The following PEAK1 variants were observed in gnomAD, a reference collection of about 807,000 sequenced individuals.
PEAK1 encodes the protein pseudopodium enriched atypical kinase 1.
PEAK1 carries 54 observed loss-of-function variants against 124.7 expected under a neutral mutation model. That is an observed-to-expected ratio of 0.43 (90% CI 0.35 to 0.54). The LOEUF (loss-of-function observed/expected upper bound fraction) is 0.54, where lower values mean the gene tolerates loss of function less well. Ranked by LOEUF, PEAK1 falls within the 20% of genes least tolerant of loss-of-function variation. The probability of loss-of-function intolerance (pLI) is 0.01; values close to 1 mark genes in which losing one functional copy is unlikely to be tolerated. For missense variants in PEAK1, 2,046 were observed against 2,134.5 expected (o/e 0.96, Z 0.82); for synonymous variants, 719 against 760.0 (o/e 0.95, Z 0.89).
chr15:77,353,094 C>T (rs2067301979), intron 2 of PEAK1: 1 of 556,028 alleles, frequency 1.8e-6, no homozygotes, highest in Middle Eastern at 9.3e-4. Context: ...GCAGCAAACA[C>T]ATGCACTGCT....
chr15:77,160,469 A>T (rs1249696210), intron 7 of PEAK1, among the ~76,000 whole-genome samples: 1 of 152,090 alleles, frequency 6.6e-6, no homozygotes, highest in African/African-American at 2.4e-5. Context: ...CGAGGTCAAG[A>T]GATGGAGACC....
chr15:77,334,810 C>G (rs2066096671), intron 2 of PEAK1: 1 of 985,232 alleles, frequency 1.0e-6, no homozygotes, highest in African/African-American at 1.7e-5. Context: ...TTTGTAGTGT[C>G]TAATTTGCTA....
At chr15:77,159,627 G>C (rs1037686112) in intron 7 of PEAK1, among the ~76,000 whole-genome samples, 2 of 151,966 alleles carry the variant, frequency 1.3e-5, no homozygotes. Context: ...TATTTTTCCT[G>C]GTTTCTTTAT....
At chr15:77,140,549 C>A (rs1216074268) in intron 8 of PEAK1, among the ~76,000 whole-genome samples, 1 of 152,048 alleles carries the variant, frequency 6.6e-6, no homozygotes, top group Admixed American at 6.6e-5. Flanking sequence ...AAACACCTTT[C>A]CATAATAATA....
chr15:77,260,028 C>T (rs1237370173), intron 5 of PEAK1, among the ~76,000 whole-genome samples: 1 of 152,038 alleles, frequency 6.6e-6, no homozygotes, highest in Non-Finnish European at 1.5e-5. Flanking sequence ...CAGAGAAAAA[C>T]ATCTAAGGAA....
At chr15:77,336,101 G>A (rs993899329) in intron 2 of PEAK1, 1 of 985,288 alleles carries the variant, frequency 1.0e-6, no homozygotes, top group Non-Finnish European at 1.2e-6. Flanking sequence ...TAAACAGTGA[G>A]TGCCAACTTC....
intron 6 of PEAK1, among the ~76,000 whole-genome samples, chr15:77,207,561 G>A (rs997084938): frequency 6.6e-6 from 1 of 152,152 alleles, no homozygotes; most frequent in African/African-American, 2.4e-5. Flanking sequence ...AGTGAAAGAG[G>A]CCAATCAATC....
chr15:77,348,888 T>A (rs2067037019), intron 2 of PEAK1: 9 of 942,446 alleles, frequency 9.5e-6, no homozygotes, highest in Non-Finnish European at 1.0e-5. Context: ...GCAATCCTCT[T>A]GCCTTGGCCT....
chr15:77,412,952 A>G (rs1471957980), intron 1 of PEAK1, among the ~76,000 whole-genome samples: 1 of 152,246 alleles, frequency 6.6e-6, no homozygotes, highest in East Asian at 1.9e-4. Flanking sequence ...CAAAATAATG[A>G]TAGCATTTAA....
At chr15:77,357,004 C>T (rs143585481) in intron 2 of PEAK1, among the ~76,000 whole-genome samples, 1,696 of 152,288 alleles carry the variant, frequency 0.011, 40 homozygotes, top group African/African-American at 0.039. Context: ...CAGTGGCTCA[C>T]GCCTATAATC....
At chr15:77,318,135 T>C (rs2064987808) in intron 2 of PEAK1, among the ~76,000 whole-genome samples, 1 of 151,918 alleles carries the variant, frequency 6.6e-6, no homozygotes, top group African/African-American at 2.4e-5. Context: ...GTTAGACAAA[T>C]CTACACAGGT....
At chr15:77,358,599 T>C (rs574937806) in intron 2 of PEAK1, among the ~76,000 whole-genome samples, 3 of 152,310 alleles carry the variant, frequency 2.0e-5, no homozygotes, top group East Asian at 3.9e-4. Flanking sequence ...CCACTGAGCA[T>C]TGGGGGATTT....
intron 6 of PEAK1, among the ~76,000 whole-genome samples, chr15:77,245,591 T>C (rs1283230262): frequency 6.6e-6 from 1 of 151,802 alleles, no homozygotes; most frequent in Non-Finnish European, 1.5e-5. Flanking sequence ...CCCAGCTACT[T>C]GGGAGGCTGA....
At chr15:77,409,751 T>C (rs1453505167) in intron 1 of PEAK1, among the ~76,000 whole-genome samples, 1 of 152,186 alleles carries the variant, frequency 6.6e-6, no homozygotes, top group Non-Finnish European at 1.5e-5. Context: ...AACCTTAAGA[T>C]ACTAGCCTCT....
chr15:77,331,808 G>C (rs1045904355), intron 2 of PEAK1, among the ~76,000 whole-genome samples: 2 of 151,874 alleles, frequency 1.3e-5, no homozygotes, highest in African/African-American at 4.8e-5. Context: ...AGTAGAGACA[G>C]GGTCTCACCA....
chr15:77,302,823 A>C (rs2063860426), intron 2 of PEAK1, among the ~76,000 whole-genome samples: 1 of 152,190 alleles, frequency 6.6e-6, no homozygotes, highest in Admixed American at 6.5e-5. Flanking sequence ...CTGCTATAAA[A>C]TTCTCTGGGT....
chr15:77,196,235 G>A (rs1166225491), intron 6 of PEAK1, among the ~76,000 whole-genome samples: 1 of 152,192 alleles, frequency 6.6e-6, no homozygotes, highest in Non-Finnish European at 1.5e-5. Context: ...GAATAAAATA[G>A]TGCAAATGGC....
chr15:77,355,495 T>C (rs749741574), intron 2 of PEAK1, among the ~76,000 whole-genome samples: 6 of 152,166 alleles, frequency 3.9e-5, no homozygotes, highest in Admixed American at 2.0e-4. Context: ...CCTTTTATAA[T>C]TGCGCAAGTC....
intron 5 of PEAK1, among the ~76,000 whole-genome samples, chr15:77,262,762 A>T (rs1480729875): frequency 1.3e-5 from 2 of 152,024 alleles, no homozygotes; most frequent in Non-Finnish European, 2.9e-5. Context: ...CCTAATAGAC[A>T]TCTACAGAAC....
Sources: gnomAD v4.1 joint callset for allele counts (sites outside exome capture counted in the v4.1 genomes callset) on GRCh38, gnomAD v4.1.1 for gene constraint, MANE v1.5 for transcripts, NCBI Gene and HGNC (gene_info 2026-07-23, HGNC 2026-07-21) for gene names.